Variants in NISCH observed in about 807,000 individuals in gnomAD.
NISCH encodes nischarin, also known as I-1 receptor candidate protein.
A neutral mutation model predicts 138.4 loss-of-function variants in NISCH; 55 were observed. The ratio of observed to expected loss-of-function variants is 0.40; its 90% confidence interval spans 0.32 to 0.50. The LOEUF is 0.50. NISCH is among the 20% of genes least tolerant of loss of function. The pLI, the probability that NISCH is intolerant of heterozygous loss-of-function variation, is 0.71. For missense variants in NISCH, 1,643 were observed against 2,005.5 expected, an observed-to-expected ratio of 0.82 and a Z score of 3.45; for synonymous variants, 860 against 861.5, an observed-to-expected ratio of 1.00 and a Z score of 0.03.
intron 13 of NISCH, among the ~76,000 whole-genome samples, chr3:52,482,738 C>T (rs1461727659): frequency 1.3e-5 from 2 of 152,184 alleles, no homozygotes; most frequent in African/African-American, 4.8e-5. Context: ...GATGGCGCCA[C>T]CTGCCGCATC....
chr3:52,458,079 A>G (rs1269394890), intron 2 of NISCH, among the ~76,000 whole-genome samples, 153 bp downstream of exon 2: 1 of 152,258 alleles, frequency 6.6e-6, no homozygotes, highest in Non-Finnish European at 1.5e-5. Context: ...GTTCATTAAT[A>G]TAGCATGTAA....
rs199898737 is a variant in NISCH, at chr3:52,470,926, C to T, written c.409+19C>T. 2 of 1,613,228 alleles carry T rather than the reference C, an allele frequency of 1.2e-6. No individual in the cohort carries two copies. Among genetic ancestry groups the T allele is most frequent in the African/African-American group, 1.3e-5 (1 of 74,966 alleles). On this transcript the variant is annotated intron_variant, in intron 4 of 20. Coordinates refer to ENST00000345716, the MANE Select transcript of NISCH (RefSeq NM_007184.4). ...GAGAAAGGTATGTGGCCACATGTCC[C>T]TGAAATACTGAGCATAAGTTGTGTA...
chr3:52,466,406 A>T (rs2153230918), intron 3 of NISCH, among the ~76,000 whole-genome samples: 1 of 152,190 alleles, frequency 6.6e-6, no homozygotes, highest in South Asian at 2.1e-4. Context: ...TTCACTAAAG[A>T]TACAAAAAAT....
At chr3:52,470,277 C>A (rs182298881) in intron 3 of NISCH, among the ~76,000 whole-genome samples, 8 of 152,244 alleles carry the variant, frequency 5.3e-5, no homozygotes, top group African/African-American at 1.9e-4. Flanking sequence ...CTTCCCGCTT[C>A]TTTCTTGGGA....
chr3:52,477,916 G>T (rs1203248134), intron 9 of NISCH, 181 bp from the exon 10 acceptor site: 3 of 690,272 alleles, frequency 4.3e-6, no homozygotes, highest in Non-Finnish European at 4.9e-6. Context: ...GTCTGCAGGG[G>T]TGCCACTGTG....
At chr3:52,477,477 G>T in intron 8 of NISCH, 97 bp from the exon 9 acceptor site, 1 of 988,520 alleles carries the variant, frequency 1.0e-6, no homozygotes, top group Non-Finnish European at 1.6e-6. Flanking sequence ...GTCCATGGTC[G>T]GGAGGAAGCG....
rs1298570258 is a variant in NISCH at position 52,490,606 on chromosome 3, G to A, written c.3614-99G>A. ...GGGGCTTTGCACGGGTGGAAGCCAG[G>A]CCAGCCAAGAGGACCTGTTCCTGCT... is the stretch of plus-strand genomic sequence containing the variant. On this transcript the variant is annotated intron_variant, in intron 18 of 20. Coordinates refer to ENST00000345716, the MANE Select transcript of NISCH (RefSeq NM_007184.4). The A allele has an allele frequency of 2.0e-6, 3 of 1,537,260 alleles. No individual in the cohort carries two copies. In the African/African-American group the frequency reaches 4.1e-5, roughly 21 times the overall value.
intron 13 of NISCH, among the ~76,000 whole-genome samples, chr3:52,483,394 G>A (rs1399622252): frequency 6.6e-6 from 1 of 152,230 alleles, no homozygotes; most frequent in African/African-American, 2.4e-5. Context: ...GCCTCAGTGA[G>A]ACTGGCGGCC....
intron 19 of NISCH, among the ~76,000 whole-genome samples, chr3:52,491,055 C>T (rs777618091): frequency 3.3e-5 from 5 of 152,218 alleles, no homozygotes; most frequent in Non-Finnish European, 7.3e-5. Flanking sequence ...AAGCGCTGGC[C>T]CGGACAGAAG....
chr3:52,490,064 C>A lies in NISCH; in HGVS notation c.3457-11C>A, dbSNP rs368017502. On this transcript the variant is annotated splice_polypyrimidine_tract_variant and intron_variant, in intron 17 of 20. Coordinates refer to ENST00000345716, the MANE Select transcript of NISCH (RefSeq NM_007184.4). ...GGGTGGTGGAGCTGACAGGAGGCCC[C>A]CCGTCTTCAGGTTGAAAACGAGGAG... 6.2e-7 allele frequency: 1 copy of A among 1,613,370 alleles called. No homozygotes were observed. Among genetic ancestry groups the A allele is most frequent in the African/African-American group, 1.3e-5 (1 of 75,046 alleles).
At chr3:52,460,990 G>A (rs530006717) in intron 3 of NISCH, among the ~76,000 whole-genome samples, 1 of 152,208 alleles carries the variant, frequency 6.6e-6, no homozygotes, top group African/African-American at 2.4e-5. Flanking sequence ...TGTAATCCCA[G>A]CACTTTGGGA....
chr3:52,488,538 A>AC lies in NISCH; in HGVS notation c.3051dup (p.Gly1018ArgfsTer23), dbSNP rs762282711. On this transcript the variant is annotated frameshift_variant, in exon 16 of 21. Transcript: ENST00000345716. LOFTEE classifies it high-confidence loss of function. ...CCTGAAGACTGTGGTCATCGCCAAG[A>AC]CCCCCGGGACGGGAGGCAGCCCCCA... The AC allele has an allele frequency of 6.2e-7, 1 of 1,612,828 alleles. No individual in the cohort carries two copies. Among genetic ancestry groups the AC allele is most frequent in the Non-Finnish European group, 8.5e-7 (1 of 1,179,898 alleles).
intron 8 of NISCH, among the ~76,000 whole-genome samples, chr3:52,476,974 G>T (rs1331049794): frequency 6.6e-6 from 1 of 152,206 alleles, no homozygotes; most frequent in Non-Finnish European, 1.5e-5. Context: ...GGCGGATGTT[G>T]CAGTGAGCTG....
chr3:52,490,878 C>G, intron 19 of NISCH, 45 bp downstream of exon 19: 1 of 1,609,746 alleles, frequency 6.2e-7, no homozygotes, highest in Non-Finnish European at 8.5e-7. Flanking sequence ...TGAAGGCCAG[C>G]ATCACCAGTG....
chr3:52,484,379 A>G (rs978455492), intron 13 of NISCH, 134 bp from the exon 14 acceptor site: 11 of 700,080 alleles, frequency 1.6e-5, no homozygotes, highest in Admixed American at 5.7e-5. Flanking sequence ...TCTATAATCC[A>G]TGTGGCTGGG....
At chr3:52,484,462 TCCCCGCCCCACCCA>T in intron 13 of NISCH, 37 bp from the exon 14 acceptor site, 1 of 788,664 alleles carries the variant, frequency 1.3e-6, no homozygotes, top group Non-Finnish European at 1.8e-6. Context: ...ACAGCCGCTC[TCCCCGCCCCACCCA>T]CCCTGCCTGC....
Position 52,487,298 on chromosome 3 carries a change from C to T in NISCH, c.1806C>T (p.Phe602=). 1 of 1,614,214 alleles carries T rather than the reference C, an allele frequency of 6.2e-7. No individual in the cohort carries two copies. Among genetic ancestry groups the T allele is most frequent in the Non-Finnish European group, 8.5e-7 (1 of 1,180,046 alleles). Residue 602 remains phenylalanine, a synonymous_variant, in exon 16 of 21, where the codon TTC becomes TTT. Transcript: ENST00000345716. This position sits in a 1 kb window ranked among gnomAD's most constrained non-coding sequence, Gnocchi z 9.1. The stretch of plus-strand genomic sequence containing the variant: ...GCTACACGGCCACCAATCAGGACTT[C>T]ATCCAGCGCCTGAGCACACTGATCC... ...CIGYTATNQD[F]IQRLSTLIRQ... is the part of the protein sequence containing the mutation.
At chr3:52,465,601 A>C (rs865788750) in intron 3 of NISCH, among the ~76,000 whole-genome samples, 1 of 152,278 alleles carries the variant, frequency 6.6e-6, no homozygotes, top group East Asian at 1.9e-4. Context: ...ACGCGTGGTG[A>C]CAGGCCTCAT....
rs139671304 is a variant in NISCH, at chr3:52,487,580, G to A, written c.2088G>A (p.Ala696=). Residue 696 remains alanine (A), a synonymous_variant, in exon 16 of 21, where the codon GCG becomes GCA. Coordinates refer to ENST00000345716, the MANE Select transcript of NISCH (RefSeq NM_007184.4). This position sits in a 1 kb window ranked among gnomAD's most constrained non-coding sequence, Gnocchi z 9.1. The part of the protein sequence containing the change: ...ERLALEWALG[A]DEDFLLEHIR... ...TGGCTCTGGAATGGGCCCTGGGCGC[G>A]GACGAGGACTTCCTGCTGGAGCACA... 1,155 of 1,613,084 alleles carry A rather than the reference G, an allele frequency of 7.2e-4. 1 individual carries two copies. Among genetic ancestry groups the A allele is most frequent in the Non-Finnish European group, 8.9e-4 (1,055 of 1,179,272 alleles).
Sources: allele counts gnomAD v4.1 joint callset (sites outside exome capture counted in the v4.1 genomes callset), GRCh38; gene constraint gnomAD v4.1.1; non-coding constraint Gnocchi (gnomAD v3.1); transcripts MANE v1.5; gene names NCBI Gene and HGNC (gene_info 2026-07-23, HGNC 2026-07-21).